The following SYT1 variants were observed in gnomAD, a reference collection of about 807,000 sequenced individuals.
SYT1 encodes the protein synaptotagmin-1.
Under a neutral mutation model 44.8 loss-of-function variants are expected in SYT1, and 8 were observed. The observed-to-expected ratio is 0.18, with a 90% CI of 0.10 to 0.32. The LOEUF (loss-of-function observed/expected upper bound fraction) is 0.32. SYT1 is among the 10% of genes least tolerant of loss of function. The pLI, the probability that SYT1 is intolerant of heterozygous loss-of-function variation, is 1.00. For synonymous variants in SYT1, 154 were observed against 188.8 expected (o/e 0.82, Z 1.51); for missense variants, 286 against 509.3 (o/e 0.56, Z 4.22).
chr12:79,248,414 T>A (rs976777107), intron 4 of SYT1, among the ~76,000 whole-genome samples: 3 of 152,094 alleles, frequency 2.0e-5, no homozygotes, highest in Non-Finnish European at 4.4e-5. Context: ...ATTAGCATAT[T>A]CAAAAAAGAA....
intron 1 of SYT1, among the ~76,000 whole-genome samples, chr12:78,963,375 A>T (rs1190890304): frequency 6.6e-6 from 1 of 152,152 alleles, no homozygotes; most frequent in Non-Finnish European, 1.5e-5. Flanking sequence ...ATGGCGTGAA[A>T]AGACTACCTA....
intron 2 of SYT1, among the ~76,000 whole-genome samples, chr12:79,027,763 G>A (rs983753112): frequency 4.6e-5 from 7 of 151,592 alleles, no homozygotes; most frequent in South Asian, 2.1e-4. Flanking sequence ...TAAATAAGAA[G>A]CTTTATTAAG....
At chr12:79,430,219 A>G (rs2136175897) in intron 9 of SYT1, among the ~76,000 whole-genome samples, 1 of 152,274 alleles carries the variant, frequency 6.6e-6, no homozygotes, top group Middle Eastern at 3.4e-3. Context: ...CCTGACTATA[A>G]AGCCTCAAAT....
At chr12:78,921,764 A>G (rs1173985543) in intron 1 of SYT1, among the ~76,000 whole-genome samples, 1 of 151,956 alleles carries the variant, frequency 6.6e-6, no homozygotes, top group African/African-American at 2.4e-5. Flanking sequence ...GATAATTACA[A>G]TGTTATTTAC....
intron 1 of SYT1, among the ~76,000 whole-genome samples, chr12:78,868,328 T>C (rs569881639): frequency 6.6e-6 from 1 of 152,030 alleles, no homozygotes; most frequent in East Asian, 1.9e-4. Flanking sequence ...GTAATGTAGG[T>C]ATGCGTCTTG....
At chr12:79,019,455 A>G (rs532588311) in intron 2 of SYT1, among the ~76,000 whole-genome samples, 2 of 152,120 alleles carry the variant, frequency 1.3e-5, no homozygotes, top group South Asian at 2.1e-4. Context: ...CATTGATAAT[A>G]TCATAATGAT....
intron 1 of SYT1, among the ~76,000 whole-genome samples, chr12:78,896,287 G>A (rs997709607): frequency 6.6e-6 from 1 of 151,440 alleles, no homozygotes; most frequent in African/African-American, 2.4e-5. Context: ...TGCCCTTACA[G>A]GAATCACAAG....
chr12:79,228,100 A>C (rs1875636117), intron 4 of SYT1, among the ~76,000 whole-genome samples: 1 of 150,202 alleles, frequency 6.7e-6, no homozygotes, highest in Admixed American at 6.7e-5. Context: ...GCCTACACAC[A>C]TGCTCAAGAT....
intron 9 of SYT1, among the ~76,000 whole-genome samples, chr12:79,370,986 T>A (rs1224321853): frequency 1.3e-5 from 2 of 151,680 alleles, no homozygotes; most frequent in African/African-American, 2.4e-5. Context: ...CCAAAAGTGA[T>A]TATTTTATTT....
chr12:78,874,115 C>A (rs931265101), intron 1 of SYT1, among the ~76,000 whole-genome samples: 1 of 151,498 alleles, frequency 6.6e-6, no homozygotes, highest in African/African-American at 2.4e-5. Context: ...TGCTTCATCC[C>A]ATTTAATATT....
intron 4 of SYT1, among the ~76,000 whole-genome samples, chr12:79,245,634 A>G (rs1253721810): frequency 6.6e-6 from 1 of 152,104 alleles, no homozygotes; most frequent in Non-Finnish European, 1.5e-5. Flanking sequence ...TAATTATGCA[A>G]TTTTGTTAAT....
chr12:79,224,261 G>A (rs551937936), intron 4 of SYT1, among the ~76,000 whole-genome samples: 4 of 152,156 alleles, frequency 2.6e-5, no homozygotes, highest in Admixed American at 2.0e-4. Context: ...CCCAAATGCT[G>A]AGAACAAATA....
At chr12:79,112,367 T>A (rs1350086393) in intron 3 of SYT1, among the ~76,000 whole-genome samples, 1 of 152,038 alleles carries the variant, frequency 6.6e-6, no homozygotes, top group African/African-American at 2.4e-5. Flanking sequence ...GCCAGTTTAG[T>A]AAGAGTGATA....
chr12:79,277,144 T>G (rs1878782437), intron 4 of SYT1, among the ~76,000 whole-genome samples: 1 of 152,150 alleles, frequency 6.6e-6, no homozygotes, highest in South Asian at 2.1e-4. Flanking sequence ...AAAGAACTCC[T>G]GGGAGATACA....
intron 1 of SYT1, among the ~76,000 whole-genome samples, chr12:78,949,646 TC>T (rs796946239): frequency 3.3e-5 from 5 of 152,066 alleles, no homozygotes; most frequent in African/African-American, 1.2e-4. Flanking sequence ...ACATAAAACT[TC>T]CCCTAAAAGA....
chr12:79,223,308 C>T (rs1331653349), intron 4 of SYT1, among the ~76,000 whole-genome samples: 1 of 152,224 alleles, frequency 6.6e-6, no homozygotes, highest in Admixed American at 6.5e-5. Context: ...ATCAGAAGCC[C>T]AGGACAGTTG....
At chr12:79,006,399 T>C (rs1281762021) in intron 2 of SYT1, among the ~76,000 whole-genome samples, 5 of 152,078 alleles carry the variant, frequency 3.3e-5, no homozygotes, top group South Asian at 4.1e-4. Context: ...TATGTTGTCA[T>C]TGGAATGCTC....
At chr12:79,305,800 G>A (rs973103820) in intron 8 of SYT1, among the ~76,000 whole-genome samples, 82 of 152,156 alleles carry the variant, frequency 5.4e-4, no homozygotes, top group African/African-American at 1.3e-3. Flanking sequence ...GGGTTCAAGC[G>A]ATTCTCCTGC....
At chr12:79,077,184 C>T (rs985691686) in intron 3 of SYT1, among the ~76,000 whole-genome samples, 1 of 152,082 alleles carries the variant, frequency 6.6e-6, no homozygotes, top group African/African-American at 2.4e-5. Flanking sequence ...CTGTCAGCCC[C>T]ACCTCTAGAG....
Sources: allele counts gnomAD v4.1 joint callset (sites outside exome capture counted in the v4.1 genomes callset), GRCh38; gene constraint gnomAD v4.1.1; transcripts MANE v1.5; gene names NCBI Gene and HGNC (gene_info 2026-07-23, HGNC 2026-07-21).